The following RDH5 variants were observed in gnomAD, a reference collection of about 807,000 sequenced individuals.
RDH5 encodes 11-cis RDH.
Under a neutral mutation model 24.0 loss-of-function variants are expected in RDH5, and 25 were observed. The observed-to-expected ratio is 1.04, with a 90% confidence interval of 0.76 to 1.46. RDH5 has a LOEUF of 1.46. RDH5 is among the 40% of genes most tolerant of loss of function. RDH5 has a pLI of 0.00. For missense variants in RDH5, 369 were observed against 410.3 expected (o/e 0.90, Z 0.87); for synonymous variants, 170 against 175.2 (o/e 0.97, Z 0.23).
intron 3 of RDH5, chr12:55,722,768 C>G (rs1876989060): frequency 6.6e-6 from 1 of 151,244 alleles, no homozygotes; most frequent in South Asian, 2.1e-4. Flanking sequence ...GAACTCCTGA[C>G]CTCAGGTGAT....
chr12:55,721,955 G>T lies in RDH5; in HGVS notation c.569+8G>T, dbSNP rs1876947631. ...CTTCTCTGACAGCCTGAGGTGAGGG[G>T]TACAGGGCTCTGGGTTCCAGGACTA... On this transcript the variant is annotated splice_region_variant and intron_variant, in intron 3 of 4. Transcript: ENST00000257895. This position sits in a 1 kb window ranked among gnomAD's most constrained non-coding sequence, Gnocchi z 4.7. The T allele has an allele frequency of 6.2e-7, 1 of 1,611,904 alleles. No homozygotes were observed. The highest frequency in any genetic ancestry group is 8.5e-7 in the Non-Finnish European group (1 of 1,179,296).
intron 3 of RDH5, 151 bp downstream of exon 3, chr12:55,722,098 A>C: frequency 2.7e-6 from 2 of 745,750 alleles, no homozygotes; most frequent in Non-Finnish European, 4.3e-6. Flanking sequence ...GTCTACCCTT[A>C]TGTAAGCTTT....
chr12:55,722,034 A>G, intron 3 of RDH5, 87 bp downstream of exon 3: 4 of 1,377,364 alleles, frequency 2.9e-6, no homozygotes, highest in Admixed American at 2.2e-5. Flanking sequence ...GATACAGCAC[A>G]TTGGAATAGT....
Position 55,721,607 on chromosome 12 carries a change from C to A in RDH5, c.311-82C>A. ...GCTAAAGGGACAATTTGAGGAGAAG[C>A]AGTTTTCAGATGCTCCCAGGAAGAA... On this transcript the variant is annotated intron_variant, in intron 2 of 4. Coordinates refer to ENST00000257895, the MANE Select transcript of RDH5 (RefSeq NM_002905.5). This position sits in a 1 kb window ranked among gnomAD's most constrained non-coding sequence, Gnocchi z 4.7. The A allele has an allele frequency of 6.3e-7, 1 of 1,596,492 alleles. No individual in the cohort carries two copies. Among genetic ancestry groups the A allele is most frequent in the East Asian group, 2.2e-5 (1 of 44,832 alleles).
rs1876886962 is a variant in RDH5 at position 55,721,020 on chromosome 12, A to G, written c.-32-133A>G. 1 of 673,164 alleles carries G rather than the reference A, an allele frequency of 1.5e-6. No homozygotes were observed. 41.7% of individuals were successfully genotyped at this position (673,164 alleles called of 1,614,324 possible). On this transcript the variant is annotated intron_variant, in intron 1 of 4. Coordinates refer to ENST00000257895, the MANE Select transcript of RDH5 (RefSeq NM_002905.5). This position sits in a 1 kb window ranked among gnomAD's most constrained non-coding sequence, Gnocchi z 4.7. ...CATCTTTGCTTTGAACAGATGAGCC[A>G]TGGTTGGCCAATTATCTGCCAACCA...
rs61733969 is a variant in RDH5 at position 55,721,357 on chromosome 12, G to A, written c.173G>A (p.Ser58Asn). Residue 58 changes from serine (S) to asparagine (N), a missense_variant, in exon 2 of 5, where the codon AGC becomes AAC. Coordinates refer to ENST00000257895, the MANE Select transcript of RDH5 (RefSeq NM_002905.5). This position sits in a 1 kb window ranked among gnomAD's most constrained non-coding sequence, Gnocchi z 4.7. ...CAGAGAGGCTTCCGAGTCCTGGCCAGCTGCCTGACCCCCTCCGGGGCCGAG... is the reference window on the plus strand; with the variant it reads ...CAGAGAGGCTTCCGAGTCCTGGCCAACTGCCTGACCCCCTCCGGGGCCGAG... ...LDQRGFRVLA[S>N]CLTPSGAEDL... 6.2e-7 allele frequency: 1 copy of A among 1,613,774 alleles called. No homozygotes were observed. The highest frequency in any genetic ancestry group is 1.3e-5 in the African/African-American group (1 of 74,952).
At chr12:55,722,277 G>A (rs1300692279) in intron 3 of RDH5, 2 of 259,454 alleles carry the variant, frequency 7.7e-6, no homozygotes, top group Admixed American at 5.1e-5. Flanking sequence ...AGCCTCCCGA[G>A]TAGCTGGGAC....
intron 1 of RDH5, chr12:55,720,919 C>A: frequency 2.0e-6 from 1 of 491,908 alleles, no homozygotes; most frequent in Non-Finnish European, 3.7e-6. Flanking sequence ...TGCCTCTGCT[C>A]CATACAGCAG....
At chr12:55,722,151 G>GTTTGTTT (rs974994668) in intron 3 of RDH5, 5 of 609,044 alleles carry the variant, frequency 8.2e-6, no homozygotes, top group Non-Finnish European at 1.1e-5. Flanking sequence ...TTTTTAACGT[G>GTTTGTTT]TTTGTTTTTT....
rs3138144 is a variant in RDH5, at chr12:55,720,985, G to C, written c.-32-168G>C. On this transcript the variant is annotated intron_variant, in intron 1 of 4. Coordinates refer to ENST00000257895, the MANE Select transcript of RDH5 (RefSeq NM_002905.5). ...TTAGTTAAGTTAGCCACAAATACAG[G>C]GTCTGCCCACATCTTTGCTTTGAAC... 0.38 allele frequency among the ~76,000 whole-genome samples: 56,962 copies of C among 151,898 alleles called. 12,398 individuals are homozygous for C. Among genetic ancestry groups the C allele is most frequent in the South Asian group, 0.55 (2,667 of 4,818 alleles).
In RDH5 at chr12:55,721,639, G is replaced by A. The variant is rs146815029; in HGVS notation, c.311-50G>A. The stretch of plus-strand genomic sequence containing the variant: ...CAGATGCTCCCAGGAAGAAGAGGGA[G>A]CTGTGGGAGTGCCTCACCTACCCCC... On this transcript the variant is annotated intron_variant, in intron 2 of 4. Transcript: ENST00000257895. This position sits in a 1 kb window ranked among gnomAD's most constrained non-coding sequence, Gnocchi z 4.7. 1.2e-6 allele frequency: 2 copies of A among 1,601,920 alleles called. No individual in the cohort carries two copies. The highest frequency in any genetic ancestry group is 1.7e-6 in the Non-Finnish European group (2 of 1,179,512).
At position 55,724,395 on chromosome 12, in the gene RDH5, G is replaced by A; in HGVS notation, c.807G>A (p.Glu269=). Residue 269 remains glutamate (E), a synonymous_variant, in exon 5 of 5, where the codon GAG becomes GAA. Transcript: ENST00000257895. ...TAACCAAGGTGAGCCGATGCCTGGA[G>A]CATGCCCTGACTGCTCGACACCCCC... ...PDLTKVSRCL[E]HALTARHPRT... The A allele has an allele frequency of 6.2e-7, 1 of 1,614,196 alleles. No homozygotes were observed. Among genetic ancestry groups the A allele is most frequent in the Non-Finnish European group, 8.5e-7 (1 of 1,180,040 alleles).
chr12:55,723,852 A>G lies in RDH5; in HGVS notation c.570-34A>G, dbSNP rs758454779. On this transcript the variant is annotated intron_variant, in intron 3 of 4. Coordinates refer to ENST00000257895, the MANE Select transcript of RDH5 (RefSeq NM_002905.5). Reference sequence around the variant, plus strand: ...CTCAAAGTCCCCTCCCTATAGGGCAAGAACCCAGCAACTTCGCTCTGCCCC... The same window carrying G: ...CTCAAAGTCCCCTCCCTATAGGGCAGGAACCCAGCAACTTCGCTCTGCCCC... 1.1e-5 allele frequency: 18 copies of G among 1,610,434 alleles called. No homozygotes were observed. In the African/African-American group the frequency reaches 2.1e-4, roughly 19 times the overall value.
At position 55,721,320 on chromosome 12, in the gene RDH5, C is replaced by T. The variant is rs756716136; in HGVS notation, c.136C>T (p.Leu46=). 8.1e-6 allele frequency: 13 copies of T among 1,614,132 alleles called. No homozygotes were observed. In the South Asian group the frequency reaches 1.4e-4, roughly 18 times the overall value. ...CTCAGGCTTTGGGCGCCTTCTGGCA[C>T]TGCAGCTGGACCAGAGAGGCTTCCG... ...CDSGFGRLLA[L]QLDQRGFRVL... is the part of the protein sequence containing the mutation. The change falls in exon 2 of 5, where the codon CTG becomes TTG. Residue 46 remains leucine (L), a synonymous_variant. Transcript: ENST00000257895. The surrounding 1 kb of genome is among the most constrained non-coding windows in gnomAD (Gnocchi z 4.7).
Position 55,724,581 on chromosome 12 carries a change from C to A in RDH5, c.*36C>A. The A allele has an allele frequency of 6.3e-7, 1 of 1,584,662 alleles. No homozygotes were observed. The highest frequency in any genetic ancestry group is 8.6e-7 in the Non-Finnish European group (1 of 1,162,782). Reference sequence around the variant, plus strand: ...CCAGCAAGAGATTGTTTTTCAAGGACAAGGACTTTGATTTATTTCTGCCCC... The same window carrying A: ...CCAGCAAGAGATTGTTTTTCAAGGAAAAGGACTTTGATTTATTTCTGCCCC... On this transcript the variant is annotated 3_prime_UTR_variant, in exon 5 of 5. Transcript: ENST00000257895.
chr12:55,721,739 A>C lies in RDH5; in HGVS notation c.361A>C (p.Thr121Pro). 1 of 1,613,530 alleles carries C rather than the reference A, an allele frequency of 6.2e-7. No individual in the cohort carries two copies. Among genetic ancestry groups the C allele is most frequent in the South Asian group, 1.1e-5 (1 of 91,086 alleles). ...TGGTGTGGCTGGTATCATCGGACCCACACCATGGCTGACCCGGGACGATTT... is the reference window on the plus strand; with the variant it reads ...TGGTGTGGCTGGTATCATCGGACCCCCACCATGGCTGACCCGGGACGATTT... ...NAGVAGIIGPTPWLTRDDFQR... is the reference protein window; with the variant it reads ...NAGVAGIIGPPPWLTRDDFQR... Residue 121 changes from threonine (T) to proline (P), a missense_variant, in exon 3 of 5, where the codon ACA becomes CCA. Coordinates refer to ENST00000257895, the MANE Select transcript of RDH5 (RefSeq NM_002905.5). The surrounding 1 kb of genome is among the most constrained non-coding windows in gnomAD (Gnocchi z 4.7).
intron 3 of RDH5, 134 bp from the exon 4 acceptor site, chr12:55,723,752 C>A: frequency 1.0e-6 from 1 of 1,000,792 alleles, no homozygotes; most frequent in African/African-American, 1.6e-5. Flanking sequence ...ACCCTTGTCC[C>A]GGGGCAGTAG....
At position 55,721,739 on chromosome 12, in the gene RDH5, A is replaced by G; in HGVS notation, c.361A>G (p.Thr121Ala). 1.9e-6 allele frequency: 3 copies of G among 1,613,530 alleles called. No homozygotes were observed. Among genetic ancestry groups the G allele is most frequent in the Non-Finnish European group, 2.5e-6 (3 of 1,180,034 alleles). Residue 121 changes from threonine to alanine, a missense_variant, in exon 3 of 5, where the codon ACA (threonine) becomes GCA (alanine). Thr to Ala is a moderately conservative substitution (Grantham distance 58). Transcript: ENST00000257895. This position sits in a 1 kb window ranked among gnomAD's most constrained non-coding sequence, Gnocchi z 4.7. The stretch of plus-strand genomic sequence containing the variant: ...TGGTGTGGCTGGTATCATCGGACCC[A>G]CACCATGGCTGACCCGGGACGATTT... ...NAGVAGIIGP[T>A]PWLTRDDFQR...
chr12:55,723,831 A>G (rs1345712852), intron 3 of RDH5, 55 bp from the exon 4 acceptor site: 3 of 1,602,410 alleles, frequency 1.9e-6, no homozygotes, highest in African/African-American at 2.7e-5. Context: ...ATGTCCCTCA[A>G]AGTCCCCTCC....
Sources: allele counts gnomAD v4.1 joint callset (sites outside exome capture counted in the v4.1 genomes callset), GRCh38; gene constraint gnomAD v4.1.1; non-coding constraint Gnocchi (gnomAD v3.1); transcripts MANE v1.5; gene names NCBI Gene and HGNC (gene_info 2026-07-23, HGNC 2026-07-21).